CCNF: variants seen among roughly 807,000 people sequenced by gnomAD.
CCNF encodes the protein cyclin-F.
A neutral mutation model predicts 85.4 loss-of-function variants in CCNF; 30 were observed. The observed-to-expected ratio is 0.35, with a 90% confidence interval of 0.26 to 0.48. CCNF has a LOEUF of 0.48. Among genes scored for constraint, CCNF ranks in the 20% least tolerant of loss-of-function variants. The pLI is 0.99. For synonymous variants in CCNF, 439 were observed against 425.1 expected (o/e 1.03, Z -0.40); for missense variants, 919 against 1,010.4 (o/e 0.91, Z 1.23).
Position 2,446,509 on chromosome 16 carries a change from C to T in CCNF, c.1094+887C>T, listed in dbSNP as rs533999289. ...TAACTAATGCTGGATCCCCTAGTTC[C>T]GCCTTTGGAAATAACGTGGAAATGA... On this transcript the variant is annotated intron_variant, in intron 10 of 16. Coordinates refer to ENST00000397066, the MANE Select transcript of CCNF (RefSeq NM_001761.3). Among the ~76,000 whole-genome samples, 6 of 152,342 alleles carry T rather than the reference C, an allele frequency of 3.9e-5. No individual in the cohort carries two copies. In the East Asian group the frequency reaches 5.8e-4, roughly 15 times the overall value.
intron 9 of CCNF, among the ~76,000 whole-genome samples, chr16:2,444,716 C>A (rs1890540536): frequency 6.6e-6 from 1 of 151,954 alleles, no homozygotes; most frequent in African/African-American, 2.4e-5. Context: ...CCCACCTTAC[C>A]CTCCTGAGTA....
rs1244558210 is a variant in CCNF at position 2,439,380 on chromosome 16, G to T, written c.622G>T (p.Asp208Tyr). The T allele has an allele frequency of 6.2e-7, 1 of 1,609,074 alleles. No individual in the cohort carries two copies. Among genetic ancestry groups the T allele is most frequent in the Non-Finnish European group, 8.5e-7 (1 of 1,178,136 alleles). Residue 208 changes from aspartate (D) to tyrosine (Y), a missense_variant, in exon 7 of 17, where the codon GAC becomes TAC. Coordinates refer to ENST00000397066, the MANE Select transcript of CCNF (RefSeq NM_001761.3). ...TGAGGAGAAGCAGCAGCAGGCCCAT[G>T]ACCTGTTTGAGGAGGCTGCTCATCA... is the stretch of plus-strand genomic sequence containing the variant. ...EDEEKQQQAH[D>Y]LFEEAAHQGC... is the part of the protein sequence containing the mutation.
intron 8 of CCNF, among the ~76,000 whole-genome samples, chr16:2,443,179 A>G (rs1351411384): frequency 9.5e-5 from 1 of 10,526 alleles, no homozygotes; most frequent in South Asian, 2.5e-3. Context: ...TATATATATA[A>G]TATATAATAT....
At position 2,458,837 on chromosome 16, in the gene CCNF, G is replaced by A. The variant is rs1413824898; in HGVS notation, c.*1817G>A. Reference sequence around the variant, plus strand: ...CACAGGGGTGTTGTGAGGATTAAATGTGAGGAGGATAGTGGCAGATGAGTG... The same window carrying A: ...CACAGGGGTGTTGTGAGGATTAAATATGAGGAGGATAGTGGCAGATGAGTG... On this transcript the variant is annotated 3_prime_UTR_variant, in exon 17 of 17. Coordinates refer to ENST00000397066, the MANE Select transcript of CCNF (RefSeq NM_001761.3). The A allele has an allele frequency of 6.6e-6, 1 of 152,230 alleles. No individual in the cohort carries two copies. Among genetic ancestry groups the A allele is most frequent in the Non-Finnish European group, 1.5e-5 (1 of 68,058 alleles). The allele number at this position is 152,230 out of a possible 1,614,324, so 9.4% of individuals were successfully genotyped here.
chr16:2,457,093 G>A lies in CCNF; in HGVS notation c.*73G>A. 2 of 1,140,956 alleles carry A rather than the reference G, an allele frequency of 1.8e-6. No individual in the cohort carries two copies. Among genetic ancestry groups the A allele is most frequent in the Admixed American group, 2.6e-5 (1 of 39,160 alleles). 70.7% of individuals were successfully genotyped at this position (1,140,956 alleles called of 1,614,324 possible). ...GGCGAAGGGTGGGAGCATAGCATAG[G>A]AACGCTGCATAGACCATGGAGGCCT... On this transcript the variant is annotated 3_prime_UTR_variant, in exon 17 of 17. Transcript: ENST00000397066.
chr16:2,448,207 A>G (rs1048067551), intron 10 of CCNF, among the ~76,000 whole-genome samples: 1 of 152,284 alleles, frequency 6.6e-6, no homozygotes, highest in South Asian at 2.1e-4. Flanking sequence ...TTCTGGGTCT[A>G]TAACATTTCT....
intron 15 of CCNF, among the ~76,000 whole-genome samples, chr16:2,455,070 A>T (rs1361471812): frequency 2.0e-5 from 3 of 151,322 alleles, no homozygotes; most frequent in Non-Finnish European, 4.4e-5. Context: ...AAAAAAAAAA[A>T]AAAAAAAAAA....
chr16:2,439,873 C>A, intron 8 of CCNF, 47 bp downstream of exon 8: 1 of 1,533,196 alleles, frequency 6.5e-7, no homozygotes, highest in African/African-American at 1.4e-5. Context: ...CTTTCTCCCT[C>A]CAGCCTTGGG....
intron 2 of CCNF, 98 bp downstream of exon 2, chr16:2,431,382 A>G (rs2065261587): frequency 1.4e-6 from 2 of 1,394,236 alleles, no homozygotes; most frequent in African/African-American, 2.9e-5. Flanking sequence ...TGGCTAAAAA[A>G]GAGGTTGGGG....
chr16:2,430,869 A>C (rs1388498345), intron 1 of CCNF: 9 of 597,864 alleles, frequency 1.5e-5, no homozygotes, highest in Non-Finnish European at 6.2e-6. Flanking sequence ...CCAATAGCCA[A>C]GTTACATGAC....
In CCNF at chr16:2,448,951, C is replaced by A. The variant is rs752932301; in HGVS notation, c.1191C>A (p.Ile397=). Residue 397 remains isoleucine, a synonymous_variant, in exon 11 of 17, where the codon ATC becomes ATA. Transcript: ENST00000397066. ...ACCTGGTGAGAATGATGGGCGAGAT[C>A]GTCTCCGCCTTGGAAGGGAAGATTC... The part of the protein sequence containing the change: ...YEDLVRMMGE[I]VSALEGKIRV... 7 of 1,614,096 alleles carry A rather than the reference C, an allele frequency of 4.3e-6. No individual in the cohort carries two copies. In the Admixed American group the frequency reaches 8.3e-5, roughly 19 times the overall value.
In CCNF at chr16:2,457,614, G is replaced by A. The variant is rs914017075; in HGVS notation, c.*594G>A. 1.3e-5 allele frequency: 2 copies of A among 152,504 alleles called. No individual in the cohort carries two copies. The highest frequency in any genetic ancestry group is 4.8e-5 in the African/African-American group (2 of 41,466). 9.4% of individuals were successfully genotyped at this position (152,504 alleles called of 1,614,324 possible). A position where few individuals can be genotyped will look rare whatever the true frequency, so the allele number is the denominator to read the frequency against. ...CCTTGGCCACAGGCCCACTCCCTAC[G>A]ACACGTGACTCGTTTTAGAGCTCTG... is the stretch of plus-strand genomic sequence containing the variant. On this transcript the variant is annotated 3_prime_UTR_variant, in exon 17 of 17. Transcript: ENST00000397066.
intron 15 of CCNF, among the ~76,000 whole-genome samples, chr16:2,454,630 C>T (rs1263917634): frequency 6.6e-6 from 1 of 152,234 alleles, no homozygotes; most frequent in Admixed American, 6.5e-5. Flanking sequence ...CAGGCTCACG[C>T]CCACACACTG....
At chr16:2,447,974 G>C (rs1038886031) in intron 10 of CCNF, among the ~76,000 whole-genome samples, 1 of 152,236 alleles carries the variant, frequency 6.6e-6, no homozygotes, top group African/African-American at 2.4e-5. Context: ...CCCCAGGACA[G>C]AGCAGCCAAG....
intron 2 of CCNF, among the ~76,000 whole-genome samples, chr16:2,432,076 C>G (rs1450412201): frequency 6.6e-6 from 1 of 152,084 alleles, no homozygotes; most frequent in African/African-American, 2.4e-5. Context: ...GTGATCCGCC[C>G]GCCTCGGCCT....
Position 2,437,947 on chromosome 16 carries a change from T to C in CCNF, c.541-123T>C, listed in dbSNP as rs2065300348. Reference sequence around the variant, plus strand: ...AGACTGAAATCTGGGAGTGGCCCTCTGCAGGGGAGGGAGGGCCAGACAGCA... The same window carrying C: ...AGACTGAAATCTGGGAGTGGCCCTCCGCAGGGGAGGGAGGGCCAGACAGCA... On this transcript the variant is annotated intron_variant, in intron 5 of 16. Transcript: ENST00000397066. 4.4e-6 allele frequency: 3 copies of C among 685,590 alleles called. No homozygotes were observed. The South Asian group carries it at 4.6e-5, about 11-fold the overall frequency. 42.5% of individuals were successfully genotyped at this position (685,590 alleles called of 1,614,324 possible). A position where few individuals can be genotyped will look rare whatever the true frequency, so the allele number is the denominator to read the frequency against.
intron 1 of CCNF, among the ~76,000 whole-genome samples, chr16:2,429,783 G>T (rs1596911980): frequency 7.1e-6 from 1 of 141,362 alleles, no homozygotes; most frequent in East Asian, 1.9e-4. Context: ...GCGATCCGGC[G>T]ATCGGGTCCC....
chr16:2,453,351 G>C lies in CCNF; in HGVS notation c.1587+42G>C, dbSNP rs368886262. ...ACCTGGGCGTCTCATGGGGTGCTGG[G>C]GTGTGGGCGGGCCTCACCCTCGGGG... is the stretch of plus-strand genomic sequence containing the variant. On this transcript the variant is annotated intron_variant, in intron 14 of 16. Transcript: ENST00000397066. This position sits in a 1 kb window ranked among gnomAD's most constrained non-coding sequence, Gnocchi z 5.6. 3 of 1,613,742 alleles carry C rather than the reference G, an allele frequency of 1.9e-6. No homozygotes were observed. The Admixed American group carries it at 5.0e-5, about 27-fold the overall frequency.
Position 2,437,218 on chromosome 16 carries a change from G to A in CCNF, c.436G>A (p.Ala146Thr), listed in dbSNP as rs749253539. 5.0e-6 allele frequency: 8 copies of A among 1,612,766 alleles called. No homozygotes were observed. Among genetic ancestry groups the A allele is most frequent in the Admixed American group, 1.7e-5 (1 of 59,994 alleles). ...CGCTGAGCGGCTGAATGTGGGTGCCGCACCTTTCATCTGGCTCTTCATCCG... is the reference window on the plus strand; with the variant it reads ...CGCTGAGCGGCTGAATGTGGGTGCCACACCTTTCATCTGGCTCTTCATCCG... Reference protein sequence around the residue: ...SLAERLNVGAAPFIWLFIRPP... With the variant: ...SLAERLNVGATPFIWLFIRPP... Residue 146 changes from alanine (A) to threonine (T), a missense_variant, in exon 5 of 17, where the codon GCA (alanine) becomes ACA (threonine). Transcript: ENST00000397066.
Sources: allele counts gnomAD v4.1 joint callset (sites outside exome capture counted in the v4.1 genomes callset), GRCh38; gene constraint gnomAD v4.1.1; non-coding constraint Gnocchi (gnomAD v3.1); transcripts MANE v1.5; gene names NCBI Gene and HGNC (gene_info 2026-07-23, HGNC 2026-07-21).